The following GALNT18 variants were observed in gnomAD, a reference collection of about 807,000 sequenced individuals.
GALNT18 encodes GalNAc-transferase 18.
GALNT18 carries 44 observed loss-of-function variants against 69.5 expected under a neutral mutation model. That is an observed-to-expected ratio of 0.63 (90% CI 0.50 to 0.81). The LOEUF is 0.81. Among genes scored for constraint, GALNT18 ranks in the 40% least tolerant of loss-of-function variants. GALNT18 has a pLI of 0.00. For missense variants in GALNT18, 715 were observed against 810.0 expected (o/e 0.88, Z 1.42); for synonymous variants, 364 against 318.2 (o/e 1.14, Z -1.53).
rs1257515786 is a variant in GALNT18, at chr11:11,538,555, C to T, written c.235+82804G>A. ...AACTTTTCCCTGCTTGCACCAACAA[C>T]CCGATAGCCCTGGAGCTCGCGGCAC... On this transcript the variant is annotated intron_variant, in intron 1 of 10. Transcript: ENST00000227756. This position sits in a 1 kb window ranked among gnomAD's most constrained non-coding sequence, Gnocchi z 5.2. Among the ~76,000 whole-genome samples, 1 of 152,174 alleles carries T rather than the reference C, an allele frequency of 6.6e-6. No homozygotes were observed. The highest frequency in any genetic ancestry group is 1.5e-5 in the Non-Finnish European group (1 of 68,042).
intron 1 of GALNT18, among the ~76,000 whole-genome samples, chr11:11,533,254 C>T (rs761023068): frequency 1.3e-5 from 2 of 152,154 alleles, no homozygotes; most frequent in Admixed American, 6.5e-5. Flanking sequence ...ATCCTCAGGG[C>T]GCCCTATTAG....
At chr11:11,492,091 GA>G (rs1856782190) in intron 1 of GALNT18, among the ~76,000 whole-genome samples, 1 of 151,954 alleles carries the variant, frequency 6.6e-6, no homozygotes, top group Non-Finnish European at 1.5e-5. Flanking sequence ...AAAACAGAAA[GA>G]AAAAAGGAAA....
At chr11:11,403,044 A>G (rs723460) in intron 3 of GALNT18, among the ~76,000 whole-genome samples, 34,287 of 152,198 alleles carry the variant, frequency 0.23, 4,860 homozygotes, top group Non-Finnish European at 0.32. Flanking sequence ...ACGCTCCAGC[A>G]TGATGTGGAG....
chr11:11,453,734 G>A (rs1375809950), intron 1 of GALNT18, among the ~76,000 whole-genome samples: 2 of 152,096 alleles, frequency 1.3e-5, no homozygotes, highest in Non-Finnish European at 2.9e-5. Flanking sequence ...CCCTGCACAC[G>A]CTCTCTTCCC....
Position 11,356,226 on chromosome 11 carries a change from AGAG to A in GALNT18, c.1093-15225_1093-15223del, listed in dbSNP as rs549136709. On this transcript the variant is annotated intron_variant, in intron 6 of 10. Coordinates refer to ENST00000227756, the MANE Select transcript of GALNT18 (RefSeq NM_198516.3). This position sits in a 1 kb window ranked among gnomAD's most constrained non-coding sequence, Gnocchi z 4.4. ...GTCCAAGGAAAACCACAGCAGTGTC[AGAG>A]GAGGAGGAGAAGGAACCCTTGCTCA... Among the ~76,000 whole-genome samples, 32 of 152,316 alleles carry A rather than the reference AGAG, an allele frequency of 2.1e-4. No individual in the cohort carries two copies. The highest frequency in any genetic ancestry group is 6.8e-3 in the Middle Eastern group (2 of 294).
At chr11:11,575,996 G>A (rs1858916054) in intron 1 of GALNT18, among the ~76,000 whole-genome samples, 1 of 152,244 alleles carries the variant, frequency 6.6e-6, no homozygotes, top group Non-Finnish European at 1.5e-5. Flanking sequence ...TTTCGCAGAA[G>A]AAACTGGTTC....
intron 10 of GALNT18, among the ~76,000 whole-genome samples, chr11:11,290,726 C>T (rs780972331): frequency 1.4e-4 from 21 of 152,146 alleles, no homozygotes; most frequent in Admixed American, 3.3e-4. Context: ...CTAGCTGCAC[C>T]ACCACCAACT....
rs566465937 is a variant in GALNT18 at position 11,452,538 on chromosome 11, C to A, written c.236-3602G>T. Among the ~76,000 whole-genome samples, 3 of 152,342 alleles carry A rather than the reference C, an allele frequency of 2.0e-5. 1 individual carries two copies. In the South Asian group the frequency reaches 6.2e-4, roughly 32 times the overall value. On this transcript the variant is annotated intron_variant, in intron 1 of 10. Coordinates refer to ENST00000227756, the MANE Select transcript of GALNT18 (RefSeq NM_198516.3). ...CTAGAAGATGCTGACGCCTTCCAGC[C>A]CCACATGAAGGCTTTCCATGTCCAT...
chr11:11,348,116 G>A (rs1359253098), intron 6 of GALNT18, among the ~76,000 whole-genome samples: 2 of 152,112 alleles, frequency 1.3e-5, no homozygotes, highest in South Asian at 2.1e-4. Context: ...GGTGGCTAAC[G>A]CCTGTAATCC....
intron 3 of GALNT18, among the ~76,000 whole-genome samples, chr11:11,424,492 A>G (rs1855082026): frequency 6.6e-6 from 1 of 152,302 alleles, no homozygotes; most frequent in South Asian, 2.1e-4. Flanking sequence ...TGGTGACCAC[A>G]TCTACCTCCC....
intron 1 of GALNT18, among the ~76,000 whole-genome samples, chr11:11,569,172 A>G (rs899016604): frequency 1.3e-5 from 2 of 152,032 alleles, no homozygotes; most frequent in African/African-American, 4.8e-5. Flanking sequence ...TAGATTCACA[A>G]CAACTCAACC....
At chr11:11,316,552 G>C (rs1849759083) in intron 9 of GALNT18, among the ~76,000 whole-genome samples, 1 of 152,164 alleles carries the variant, frequency 6.6e-6, no homozygotes, top group South Asian at 2.1e-4. Context: ...TTTAAACCTT[G>C]AGTCAAAGCA....
intron 6 of GALNT18, chr11:11,353,108 G>A (rs753636414): frequency 2.8e-5 from 45 of 1,613,932 alleles, no homozygotes; most frequent in African/African-American, 9.3e-5. Flanking sequence ...TGCTTGGCAC[G>A]GGTCCCGACA....
chr11:11,589,022 A>G (rs777902268), intron 1 of GALNT18, among the ~76,000 whole-genome samples: 3 of 152,228 alleles, frequency 2.0e-5, no homozygotes, highest in African/African-American at 7.2e-5. Flanking sequence ...AAGATTCCAT[A>G]CAAGGAATCC....
At chr11:11,575,242 C>A (rs1001180758) in intron 1 of GALNT18, among the ~76,000 whole-genome samples, 1 of 152,160 alleles carries the variant, frequency 6.6e-6, no homozygotes, top group East Asian at 1.9e-4. Flanking sequence ...ACCAAGGCAC[C>A]TTTGTCCCAC....
intron 1 of GALNT18, among the ~76,000 whole-genome samples, chr11:11,522,088 C>T (rs1456423891): frequency 6.6e-6 from 1 of 152,122 alleles, no homozygotes; most frequent in Non-Finnish European, 1.5e-5. Flanking sequence ...ATGACTTCTA[C>T]CCACCCTAGG....
At position 11,497,076 on chromosome 11, in the gene GALNT18, C is replaced by T. The variant is rs1369810248; in HGVS notation, c.236-48140G>A. Among the ~76,000 whole-genome samples the T allele has an allele frequency of 1.3e-5, 2 of 152,110 alleles. No individual in the cohort carries two copies. The highest frequency in any genetic ancestry group is 2.9e-5 in the Non-Finnish European group (2 of 68,024). On this transcript the variant is annotated intron_variant, in intron 1 of 10. Transcript: ENST00000227756. This position sits in a 1 kb window ranked among gnomAD's most constrained non-coding sequence, Gnocchi z 4.2. The stretch of plus-strand genomic sequence containing the variant: ...CTTCCTGCTTCCAGGCTCATTCCCA[C>T]CTCAGGGCCTTTGCACCTGCTGTTT...
At chr11:11,381,958 G>C (rs1338100983) in intron 3 of GALNT18, among the ~76,000 whole-genome samples, 1 of 152,200 alleles carries the variant, frequency 6.6e-6, no homozygotes, top group Non-Finnish European at 1.5e-5. Context: ...CCGGTGCTGG[G>C]GTTAAAATAA....
rs1859714515 is a variant in GALNT18, at chr11:11,604,982, A to G, written c.235+16377T>C. Reference sequence around the variant, plus strand: ...AGAATGGAATAGTCCTTTTTAAATGACATTTTCAATTTTTCCCCTATGTCT... The same window carrying G: ...AGAATGGAATAGTCCTTTTTAAATGGCATTTTCAATTTTTCCCCTATGTCT... On this transcript the variant is annotated intron_variant, in intron 1 of 10. Transcript: ENST00000227756. This position sits in a 1 kb window ranked among gnomAD's most constrained non-coding sequence, Gnocchi z 5.6. Among the ~76,000 whole-genome samples, 2 of 152,200 alleles carry G rather than the reference A, an allele frequency of 1.3e-5. No homozygotes were observed.
Sources: gnomAD v4.1 joint callset for allele counts (sites outside exome capture counted in the v4.1 genomes callset) on GRCh38, gnomAD v4.1.1 for gene constraint, Gnocchi (gnomAD v3.1) non-coding constraint, MANE v1.5 for transcripts, NCBI Gene and HGNC (gene_info 2026-07-23, HGNC 2026-07-21) for gene names.